Variants in PCDHGB3 observed in about 807,000 individuals in gnomAD.
PCDHGB3 encodes protocadherin gamma-B3.
In PCDHGB3, 40 loss-of-function variants were observed where a neutral mutation model predicts 59.2. The ratio of observed to expected loss-of-function variants is 0.68; its 90% CI spans 0.52 to 0.88. PCDHGB3 has a LOEUF of 0.88. PCDHGB3 is among the 40% of genes least tolerant of loss of function. The probability of loss-of-function intolerance (pLI) is 0.00; values close to 1 mark genes in which losing one functional copy is unlikely to be tolerated. For missense variants in PCDHGB3, 1,309 were observed against 1,187.9 expected, an observed-to-expected ratio of 1.10 and a Z score of -1.50; for synonymous variants, 581 against 503.6, an observed-to-expected ratio of 1.15 and a Z score of -2.06.
chr5:141,485,982 A>G lies in PCDHGB3; in HGVS notation c.2416-8825A>G. 6.2e-7 allele frequency: 1 copy of G among 1,614,156 alleles called. No homozygotes were observed. The highest frequency in any genetic ancestry group is 8.5e-7 in the Non-Finnish European group (1 of 1,180,020). ...ATCCAGCTCAATGCCTCAGACCCGG[A>G]CCTGGGTCCCAGTGGTAACGTCACC... On this transcript the variant is annotated intron_variant, in intron 1 of 3. Coordinates refer to ENST00000576222, the MANE Select transcript of PCDHGB3 (RefSeq NM_018924.5). The surrounding 1 kb of genome is among the most constrained non-coding windows in gnomAD (Gnocchi z 5.7).
Position 141,371,611 on chromosome 5 carries a change from C to A in PCDHGB3, c.1217C>A (p.Thr406Lys), listed in dbSNP as rs561217101. The change falls in exon 1 of 4, where the codon ACA becomes AAA. Residue 406 changes from threonine to lysine, a missense_variant. Coordinates refer to ENST00000576222, the MANE Select transcript of PCDHGB3 (RefSeq NM_018924.5). ...QDTKNTYRLV[T>K]DGALDREQIP... ...ACCAAAAACACATACAGGTTGGTGA[C>A]AGATGGAGCCCTGGACCGGGAGCAG... The A allele has an allele frequency of 8.1e-6, 13 of 1,613,878 alleles. No individual in the cohort carries two copies. Among genetic ancestry groups the A allele is most frequent in the Non-Finnish European group, 1.1e-5 (13 of 1,179,898 alleles).
chr5:141,400,217 T>C (rs771117256), intron 1 of PCDHGB3: 1 of 1,613,916 alleles, frequency 6.2e-7, no homozygotes, highest in Non-Finnish European at 8.5e-7. Flanking sequence ...TTGATCTCAG[T>C]GCTCTTCCTC....
At position 141,408,137 on chromosome 5, in the gene PCDHGB3, T is replaced by C; in HGVS notation, c.2415+35328T>C. ...CTCCTGTCCTGGGCCGAATGCTCTT[T>C]TAGCGCGGTAGAGTGCACTTTCTCC... On this transcript the variant is annotated intron_variant, in intron 1 of 3. Coordinates refer to ENST00000576222, the MANE Select transcript of PCDHGB3 (RefSeq NM_018924.5). 4.0e-6 allele frequency: 6 copies of C among 1,488,870 alleles called. No individual in the cohort carries two copies. The South Asian group carries it at 8.2e-5, about 20-fold the overall frequency. 92.2% of individuals were successfully genotyped at this position (1,488,870 alleles called of 1,614,324 possible).
intron 1 of PCDHGB3, among the ~76,000 whole-genome samples, chr5:141,407,290 G>A (rs1025830566): frequency 3.3e-5 from 5 of 152,154 alleles, no homozygotes; most frequent in African/African-American, 1.2e-4. Context: ...TACAATTTCT[G>A]TTCTGAGGAG....
chr5:141,413,517 G>A (rs1561743187), intron 1 of PCDHGB3: 1 of 1,613,946 alleles, frequency 6.2e-7, no homozygotes. Flanking sequence ...ATATCCTTGT[G>A]GAAGACAGGG....
chr5:141,510,656 A>C (rs761093897), intron 3 of PCDHGB3, among the ~76,000 whole-genome samples: 4 of 152,304 alleles, frequency 2.6e-5, no homozygotes, highest in Non-Finnish European at 5.9e-5. Flanking sequence ...CCCATTTTGC[A>C]GATGAGAAAA....
At chr5:141,433,951 A>G (rs2097667078) in intron 1 of PCDHGB3, among the ~76,000 whole-genome samples, 1 of 152,032 alleles carries the variant, frequency 6.6e-6, no homozygotes, top group African/African-American at 2.4e-5. Context: ...TGTTTCTTCT[A>G]CAGTTGTTAA....
chr5:141,379,132 AG>A (rs1236158161), intron 1 of PCDHGB3: 1 of 152,236 alleles, frequency 6.6e-6, no homozygotes, highest in East Asian at 1.9e-4. Flanking sequence ...AAAATAAATG[AG>A]AACCTCCTTT....
chr5:141,477,361 G>A lies in PCDHGB3; in HGVS notation c.2416-17446G>A. The A allele has an allele frequency of 6.2e-7, 1 of 1,614,172 alleles. No individual in the cohort carries two copies. The highest frequency in any genetic ancestry group is 8.5e-7 in the Non-Finnish European group (1 of 1,180,032). Reference sequence around the variant, plus strand: ...TCACTTTGAAAACCAGTGCAGACCTGGATCGGGAGACTGTGCCAGAATACA... The same window carrying A: ...TCACTTTGAAAACCAGTGCAGACCTAGATCGGGAGACTGTGCCAGAATACA... On this transcript the variant is annotated intron_variant, in intron 1 of 3. Coordinates refer to ENST00000576222, the MANE Select transcript of PCDHGB3 (RefSeq NM_018924.5). The surrounding 1 kb of genome is among the most constrained non-coding windows in gnomAD (Gnocchi z 4.9).
chr5:141,442,702 T>G (rs1301940560), intron 1 of PCDHGB3, among the ~76,000 whole-genome samples: 6 of 152,224 alleles, frequency 3.9e-5, no homozygotes, highest in Non-Finnish European at 8.8e-5. Context: ...GACAAGAGTA[T>G]CAGACATGCC....
intron 1 of PCDHGB3, chr5:141,418,919 G>C: frequency 6.2e-7 from 1 of 1,614,016 alleles, no homozygotes. Flanking sequence ...GTCACTCTCT[G>C]ATCAGATTAT....
chr5:141,419,481 C>T (rs2096389716), intron 1 of PCDHGB3: 1 of 1,612,422 alleles, frequency 6.2e-7, no homozygotes, highest in East Asian at 2.2e-5. Flanking sequence ...GGCTCGCCCG[C>T]GCTCAGCGCC....
In PCDHGB3 at chr5:141,413,182, G is replaced by C. The variant is rs752788034; in HGVS notation, c.2415+40373G>C. On this transcript the variant is annotated intron_variant, in intron 1 of 3. Transcript: ENST00000576222. ...ATTCTGTAACCAGACTACAATGGCCGCTCAAAGGAATCGCTCAAAGGAATC... is the reference window on the plus strand; with the variant it reads ...ATTCTGTAACCAGACTACAATGGCCCCTCAAAGGAATCGCTCAAAGGAATC... 3.1e-6 allele frequency: 5 copies of C among 1,604,164 alleles called. No homozygotes were observed. In the South Asian group the frequency reaches 5.5e-5, roughly 18 times the overall value.
intron 1 of PCDHGB3, among the ~76,000 whole-genome samples, chr5:141,460,807 A>G (rs2098998307): frequency 6.6e-6 from 1 of 151,962 alleles, no homozygotes; most frequent in Non-Finnish European, 1.5e-5. Context: ...ATATATATGT[A>G]TGTATACATA....
intron 1 of PCDHGB3, chr5:141,398,743 A>G: frequency 6.2e-7 from 1 of 1,613,864 alleles, no homozygotes; most frequent in Non-Finnish European, 8.5e-7. Flanking sequence ...GGAACAACAG[A>G]GTTACCATCG....
chr5:141,401,467 G>A (rs1248119954), intron 1 of PCDHGB3, among the ~76,000 whole-genome samples: 1 of 152,196 alleles, frequency 6.6e-6, no homozygotes, highest in Non-Finnish European at 1.5e-5. Context: ...AATTTTCTAA[G>A]TTTATCCAGG....
Position 141,432,323 on chromosome 5 carries a change from T to C in PCDHGB3, c.2415+59514T>C, listed in dbSNP as rs1198710959. The C allele has an allele frequency of 3.4e-5, 55 of 1,614,214 alleles. No individual in the cohort carries two copies. Among genetic ancestry groups the C allele is most frequent in the Non-Finnish European group, 4.7e-5 (55 of 1,180,028 alleles). On this transcript the variant is annotated intron_variant, in intron 1 of 3. Transcript: ENST00000576222. This position sits in a 1 kb window ranked among gnomAD's most constrained non-coding sequence, Gnocchi z 6.0. ...ACTGTATGCGCTGAGCTCCTTCGAC[T>C]ACGAGCAGTTCCGAGACTTGCAAGT...
At chr5:141,426,919 C>T (rs1220443930) in intron 1 of PCDHGB3, 1 of 456,620 alleles carries the variant, frequency 2.2e-6, no homozygotes, top group African/African-American at 2.0e-5. Flanking sequence ...GTCCTGGAAG[C>T]AATGGACATG....
chr5:141,393,259 G>C (rs1561641378), intron 1 of PCDHGB3: 1 of 1,613,874 alleles, frequency 6.2e-7, no homozygotes, highest in Admixed American at 1.7e-5. Flanking sequence ...GCGGTTCCTG[G>C]AGCACGTTAT....
Sources: gnomAD v4.1 joint callset for allele counts (sites outside exome capture counted in the v4.1 genomes callset) on GRCh38, gnomAD v4.1.1 for gene constraint, Gnocchi (gnomAD v3.1) non-coding constraint, MANE v1.5 for transcripts, NCBI Gene and HGNC (gene_info 2026-07-23, HGNC 2026-07-21) for gene names.